Variants in TJP2 observed in about 807,000 individuals in gnomAD.
TJP2 encodes Friedreich ataxia region gene X104 (tight junction protein ZO-2).
Under a neutral mutation model 133.1 loss-of-function variants are expected in TJP2, and 91 were observed. The ratio of observed to expected loss-of-function variants is 0.68; its 90% CI spans 0.58 to 0.81. The LOEUF is 0.81. TJP2 is among the 40% of genes least tolerant of loss of function. TJP2 has a pLI of 0.00. For synonymous variants in TJP2, 592 were observed against 583.4 expected (o/e 1.01, Z -0.21); for missense variants, 1,541 against 1,565.6 (o/e 0.98, Z 0.26).
At chr9:69,130,345 AG>A (rs1254872648) in intron 1 of TJP2, among the ~76,000 whole-genome samples, 2 of 152,136 alleles carry the variant, frequency 1.3e-5, no homozygotes, top group African/African-American at 2.4e-5. Context: ...CTTCCATTTG[AG>A]GGTTCTTTGA....
intron 3 of TJP2, 49 bp from the exon 4 acceptor site, chr9:69,218,208 A>G (rs1828538553): frequency 7.2e-7 from 1 of 1,397,956 alleles, no homozygotes; most frequent in Non-Finnish European, 1.0e-6. Context: ...ATAATTTACA[A>G]TGAATAGATG....
intron 1 of TJP2, among the ~76,000 whole-genome samples, chr9:69,210,119 T>C (rs1827755961): frequency 6.6e-6 from 1 of 151,732 alleles, no homozygotes; most frequent in African/African-American, 2.4e-5. Context: ...AAACCGTGTC[T>C]CTACCAAAAA....
At chr9:69,161,666 T>A (rs1003607449) in intron 2 of TJP2, among the ~76,000 whole-genome samples, 6 of 151,936 alleles carry the variant, frequency 3.9e-5, no homozygotes, top group Non-Finnish European at 8.8e-5. Flanking sequence ...CACTATTATA[T>A]ATTATTAATA....
chr9:69,203,673 G>A (rs1827177741), intron 1 of TJP2, among the ~76,000 whole-genome samples: 1 of 135,178 alleles, frequency 7.4e-6, no homozygotes, highest in South Asian at 2.4e-4. Context: ...GAATGCAGTG[G>A]CCCGATCTCA....
upstream of TJP2, chr9:69,174,199 A>ACGCCGCCGC: frequency 1.4e-6 from 2 of 1,388,542 alleles, no homozygotes; most frequent in Non-Finnish European, 1.9e-6. Context: ...GGGCGGGCTG[A>ACGCCGCCGC]CGCCGCCGCC....
chr9:69,252,718 G>T, intron 21 of TJP2, 97 bp from the exon 22 acceptor site: 1 of 1,126,908 alleles, frequency 8.9e-7, no homozygotes, highest in Non-Finnish European at 1.3e-6. Flanking sequence ...AAATAAGTAG[G>T]ATATGGGGAA....
chr9:69,216,549 T>TA (rs1051404692), intron 3 of TJP2, 86 bp downstream of exon 3: 55 of 1,429,476 alleles, frequency 3.8e-5, no homozygotes, highest in East Asian at 7.0e-5. Flanking sequence ...CCACTTTATT[T>TA]AAAAAAAAGA....
intron 1 of TJP2, among the ~76,000 whole-genome samples, chr9:69,200,261 C>T (rs1447789362): frequency 6.6e-6 from 1 of 152,228 alleles, no homozygotes; most frequent in Admixed American, 6.5e-5. Context: ...ACCAGTTAGT[C>T]ATCCTTCAGC....
intron 10 of TJP2, among the ~76,000 whole-genome samples, chr9:69,229,572 C>T (rs1029236419): frequency 5.9e-5 from 9 of 152,162 alleles, no homozygotes; most frequent in Non-Finnish European, 1.0e-4. Context: ...TGCTAAACTA[C>T]GGTGCCCTGT....
At chr9:69,225,536 CA>C in intron 6 of TJP2, 129 bp downstream of exon 6, 2 of 696,168 alleles carry the variant, frequency 2.9e-6, no homozygotes, top group South Asian at 3.1e-5. Flanking sequence ...GTGGCAAGAG[CA>C]GCATAATGAG....
intron 2 of TJP2, among the ~76,000 whole-genome samples, chr9:69,169,047 G>A (rs991506525): frequency 6.6e-6 from 1 of 151,958 alleles, no homozygotes; most frequent in African/African-American, 2.4e-5. Context: ...CGGGGACGGG[G>A]GAGGACACAA....
intron 2 of TJP2, among the ~76,000 whole-genome samples, chr9:69,167,557 T>C (rs1477128184): frequency 6.6e-6 from 1 of 152,158 alleles, no homozygotes; most frequent in Non-Finnish European, 1.5e-5. Flanking sequence ...CTTGCTTTAA[T>C]AAATAGAAGA....
At chr9:69,239,872 CAA>C in intron 16 of TJP2, 63 bp from the exon 17 acceptor site, 2 of 1,280,030 alleles carry the variant, frequency 1.6e-6, no homozygotes, top group Admixed American at 3.5e-5. Flanking sequence ...CTTATTAAAA[CAA>C]AGTATTTGAT....
chr9:69,227,915 T>C (rs778564892), intron 8 of TJP2, 42 bp downstream of exon 8: 1 of 1,613,280 alleles, frequency 6.2e-7, no homozygotes, highest in Non-Finnish European at 8.5e-7. Context: ...TCATTGTGAA[T>C]GTACACACAT....
intron 2 of TJP2, among the ~76,000 whole-genome samples, chr9:69,157,515 G>T (rs1230415270): frequency 1.3e-5 from 2 of 151,660 alleles, no homozygotes; most frequent in African/African-American, 4.9e-5. Flanking sequence ...GCCCAGGCTG[G>T]ATTACAGTAG....
At chr9:69,177,237 G>A (rs1408630843) in intron 1 of TJP2, among the ~76,000 whole-genome samples, 1 of 152,168 alleles carries the variant, frequency 6.6e-6, no homozygotes, top group East Asian at 1.9e-4. Context: ...TTTGGTATAT[G>A]GTAGTGTCTG....
At chr9:69,186,185 T>G (rs1312201068) in intron 1 of TJP2, among the ~76,000 whole-genome samples, 2 of 152,240 alleles carry the variant, frequency 1.3e-5, no homozygotes, top group Non-Finnish European at 2.9e-5. Context: ...GTGAATTTTT[T>G]CCTCCTTCAA....
intron 1 of TJP2, among the ~76,000 whole-genome samples, chr9:69,179,381 G>A (rs1228725356): frequency 1.3e-5 from 2 of 152,070 alleles, no homozygotes; most frequent in African/African-American, 4.8e-5. Context: ...TATAATGAAT[G>A]TTTATTTTAC....
At chr9:69,225,445 T>C in intron 6 of TJP2, 38 bp downstream of exon 6, 1 of 1,379,176 alleles carries the variant, frequency 7.3e-7, no homozygotes, top group South Asian at 1.2e-5. Flanking sequence ...GTGTGCATAC[T>C]GCCGTTCATC....
Sources: gnomAD v4.1 joint callset for allele counts (sites outside exome capture counted in the v4.1 genomes callset) on GRCh38, gnomAD v4.1.1 for gene constraint, MANE v1.5 for transcripts, NCBI Gene and HGNC (gene_info 2026-07-23, HGNC 2026-07-21) for gene names.